The following ASIC5 variants were observed in gnomAD, a reference collection of about 807,000 sequenced individuals.
The protein encoded by ASIC5 is bile acid-sensitive ion channel.
Under a neutral mutation model 51.2 loss-of-function variants are expected in ASIC5, and 52 were observed. That is an observed-to-expected ratio of 1.02 (90% CI 0.81 to 1.28). The LOEUF (loss-of-function observed/expected upper bound fraction) is 1.28, where lower values mean the gene tolerates loss of function less well. Ranked by LOEUF, ASIC5 falls within the 50% of genes most tolerant of loss-of-function variation. The probability of loss-of-function intolerance (pLI) is 0.00; values close to 1 mark genes in which losing one functional copy is unlikely to be tolerated. For missense variants in ASIC5, 635 were observed against 595.0 expected (o/e 1.07, Z -0.70); for synonymous variants, 231 against 200.7 (o/e 1.15, Z -1.28).
intron 3 of ASIC5, 55 bp downstream of exon 3, chr4:155,854,022 G>T: frequency 1.5e-6 from 2 of 1,317,250 alleles, no homozygotes; most frequent in Non-Finnish European, 2.2e-6. Flanking sequence ...ATGTGAAACA[G>T]TGCAGTAACG....
At chr4:155,838,214 G>A (rs1167675709) in intron 7 of ASIC5, among the ~76,000 whole-genome samples, 3 of 152,116 alleles carry the variant, frequency 2.0e-5, no homozygotes, top group African/African-American at 4.8e-5. Context: ...ATGACTTCAC[G>A]TGATAAATAT....
Position 155,854,302 on chromosome 4 carries a change from A to G in ASIC5, c.360T>C (p.Asp120=), listed in dbSNP as rs766852627. The G allele has an allele frequency of 8.7e-6, 14 of 1,605,826 alleles. No individual in the cohort carries two copies. The Admixed American group carries it at 1.5e-4, about 17-fold the overall frequency. Residue 120 remains aspartate, a synonymous_variant, in exon 3 of 10, where the codon GAT becomes GAC. Coordinates refer to ENST00000537611, the MANE Select transcript of ASIC5 (RefSeq NM_017419.3). ...TFCNLNRFQT[D]AVAKFGVIFF... Reference sequence around the variant, plus strand: ...AAATAACACCAAATTTGGCTACAGCATCTGTTTGGAACCTATTAGCAGGAA... The same window carrying G: ...AAATAACACCAAATTTGGCTACAGCGTCTGTTTGGAACCTATTAGCAGGAA...
intron 4 of ASIC5, among the ~76,000 whole-genome samples, chr4:155,849,840 A>G (rs757211120): frequency 6.6e-6 from 1 of 152,102 alleles, no homozygotes; most frequent in Non-Finnish European, 1.5e-5. Flanking sequence ...CTATTTACAT[A>G]CATAAGCCAC....
At chr4:155,853,305 T>C (rs1230867785) in intron 3 of ASIC5, among the ~76,000 whole-genome samples, 1 of 151,954 alleles carries the variant, frequency 6.6e-6, no homozygotes, top group Non-Finnish European at 1.5e-5. Flanking sequence ...TAAGGCGGCC[T>C]ACCAAAAACA....
chr4:155,837,366 T>A (rs913557042), intron 7 of ASIC5, among the ~76,000 whole-genome samples: 7 of 152,170 alleles, frequency 4.6e-5, no homozygotes, highest in Non-Finnish European at 1.0e-4. Context: ...CACTTCCAAA[T>A]CAACCACTGA....
intron 8 of ASIC5, among the ~76,000 whole-genome samples, chr4:155,835,068 T>A (rs1740946831): frequency 6.6e-6 from 1 of 152,106 alleles, no homozygotes; most frequent in Non-Finnish European, 1.5e-5. Flanking sequence ...GTAATCCAGT[T>A]CTTCTGGGAC....
chr4:155,849,056 C>A (rs1741320120), intron 4 of ASIC5, among the ~76,000 whole-genome samples: 1 of 152,040 alleles, frequency 6.6e-6, no homozygotes, highest in Admixed American at 6.6e-5. Flanking sequence ...AATCTGTTTT[C>A]ACTTGTAACA....
intron 9 of ASIC5, among the ~76,000 whole-genome samples, chr4:155,830,892 GT>G (rs1018509449): frequency 6.6e-6 from 1 of 152,084 alleles, no homozygotes; most frequent in Non-Finnish European, 1.5e-5. Context: ...GGACCATTCC[GT>G]TTTTGTAAAG....
chr4:155,864,259 G>A lies in ASIC5; in HGVS notation c.41-505C>T, dbSNP rs550051444. Among the ~76,000 whole-genome samples the A allele has an allele frequency of 9.9e-5, 15 of 152,186 alleles. No individual in the cohort carries two copies. The South Asian group carries it at 1.0e-3, about 11-fold the overall frequency. ...AACTTTCATTCTCGTATTCTTTAAT[G>A]TACAACTATTTTATATTTTGTTGGT... On this transcript the variant is annotated intron_variant, in intron 1 of 9. Coordinates refer to ENST00000537611, the MANE Select transcript of ASIC5 (RefSeq NM_017419.3).
At chr4:155,848,298 T>C (rs369384386) in intron 4 of ASIC5, among the ~76,000 whole-genome samples, 2 of 152,228 alleles carry the variant, frequency 1.3e-5, no homozygotes, top group Non-Finnish European at 1.5e-5. Context: ...TTATAAATTA[T>C]GTCTTTTTCT....
intron 6 of ASIC5, among the ~76,000 whole-genome samples, chr4:155,840,739 A>T (rs957725309): frequency 6.6e-6 from 1 of 152,078 alleles, no homozygotes; most frequent in Non-Finnish European, 1.5e-5. Flanking sequence ...ATTAGCCACA[A>T]GATTAGAAAT....
Position 155,852,213 on chromosome 4 carries a change from C to T in ASIC5, c.689G>A (p.Ser230Asn), listed in dbSNP as rs1335215963. 2.5e-6 allele frequency: 4 copies of T among 1,611,462 alleles called. No homozygotes were observed. The East Asian group carries it at 6.7e-5, about 27-fold the overall frequency. ...RKVSVSGRGL[S>N]LLFNVNQEAF... ...TACCTGATTCACATTGAAGAGTAAG[C>T]TCAAACCTCTTCCAGAGACACTCAC... Residue 230 changes from serine (S) to asparagine (N), a missense_variant, in exon 4 of 10, where the codon AGC (serine) becomes AAC (asparagine). Physicochemically the swap from Ser to Asn is conservative, Grantham distance 46. Coordinates refer to ENST00000537611, the MANE Select transcript of ASIC5 (RefSeq NM_017419.3).
intron 4 of ASIC5, among the ~76,000 whole-genome samples, chr4:155,844,582 A>T (rs1262428698): frequency 6.7e-6 from 1 of 150,312 alleles, no homozygotes; most frequent in Non-Finnish European, 1.5e-5. Flanking sequence ...AGTTTTGCTT[A>T]ACTGTTTTGT....
rs1050821706 is a variant in ASIC5 at position 155,829,776 on chromosome 4, GA to G, written c.*79del. Reference sequence around the variant, plus strand: ...CTTTTATCGAACTCTCAAAACTATAGAAAAGTGACGTAACAATGAATTAGTC... The same window carrying G: ...CTTTTATCGAACTCTCAAAACTATAGAAAGTGACGTAACAATGAATTAGTC... On this transcript the variant is annotated 3_prime_UTR_variant, in exon 10 of 10. Coordinates refer to ENST00000537611, the MANE Select transcript of ASIC5 (RefSeq NM_017419.3). 71 of 888,298 alleles carry G rather than the reference GA, an allele frequency of 8.0e-5. No homozygotes were observed. In the Middle Eastern group the frequency reaches 1.1e-3, roughly 13 times the overall value. The allele number at this position is 888,298 out of a possible 1,614,324, so 55.0% of individuals were successfully genotyped here. A position where few individuals can be genotyped will look rare whatever the true frequency, so the allele number is the denominator to read the frequency against.
rs545973306 is a variant in ASIC5, at chr4:155,838,031, C to G, written c.1066+782G>C. Among the ~76,000 whole-genome samples the G allele has an allele frequency of 2.0e-5, 3 of 152,180 alleles. No homozygotes were observed. In the East Asian group the frequency reaches 5.8e-4, roughly 29 times the overall value. The stretch of plus-strand genomic sequence containing the variant: ...GGCTTTTGTATATTCAGCCTGTGAT[C>G]TACATAAAAAAAGATTCCTTCTACC... On this transcript the variant is annotated intron_variant, in intron 7 of 9. Transcript: ENST00000537611.
At chr4:155,834,321 CT>C (rs543104452) in intron 8 of ASIC5, among the ~76,000 whole-genome samples, 2 of 152,054 alleles carry the variant, frequency 1.3e-5, no homozygotes, top group Non-Finnish European at 2.9e-5. Context: ...GGGGTCGCTT[CT>C]TTTAAAATGA....
rs1741465783 is a variant in ASIC5, at chr4:155,854,251, T to G, written c.411A>C (p.Lys137Asn). ...CAGTAATTTCTTGAAGATGGAGGAC[T>G]TTGGATACAATGTGCCATAAGAAAA... ...VIFFLWHIVSKVLHLQEITAN... is the reference protein window; with the variant it reads ...VIFFLWHIVSNVLHLQEITAN... The change falls in exon 3 of 10, where the codon AAA becomes AAC. Residue 137 changes from lysine (K) to asparagine (N), a missense_variant. Physicochemically the swap from Lys to Asn is moderately conservative, Grantham distance 94. Coordinates refer to ENST00000537611, the MANE Select transcript of ASIC5 (RefSeq NM_017419.3). 1 of 1,613,258 alleles carries G rather than the reference T, an allele frequency of 6.2e-7. No individual in the cohort carries two copies. Among genetic ancestry groups the G allele is most frequent in the East Asian group, 2.2e-5 (1 of 44,822 alleles).
At chr4:155,835,253 G>A (rs1208070371) in intron 8 of ASIC5, among the ~76,000 whole-genome samples, 1 of 151,960 alleles carries the variant, frequency 6.6e-6, no homozygotes, top group Non-Finnish European at 1.5e-5. Context: ...CATGGGGTAG[G>A]AGCCCAAAGC....
intron 4 of ASIC5, among the ~76,000 whole-genome samples, chr4:155,846,291 TAAAA>T (rs994155503): frequency 6.6e-6 from 1 of 152,104 alleles, no homozygotes; most frequent in African/African-American, 2.4e-5. Flanking sequence ...CCAAACACTA[TAAAA>T]TGTCAAAATT....
Sources: allele counts gnomAD v4.1 joint callset (sites outside exome capture counted in the v4.1 genomes callset), GRCh38; gene constraint gnomAD v4.1.1; transcripts MANE v1.5; gene names NCBI Gene and HGNC (gene_info 2026-07-23, HGNC 2026-07-21).